ZNF723: variants seen among roughly 807,000 people sequenced by gnomAD.
ZNF723 encodes the protein zinc finger protein 723.
In ZNF723, 5 loss-of-function variants were observed where a neutral mutation model predicts 9.4. The observed-to-expected ratio is 0.53, with a 90% CI of 0.28 to 1.12. The LOEUF (loss-of-function observed/expected upper bound fraction) is 1.12. Among genes scored for constraint, ZNF723 ranks in the 50% most tolerant of loss-of-function variants. ZNF723 has a pLI of 0.10. For missense variants in ZNF723, 450 were observed against 501.5 expected, an observed-to-expected ratio of 0.90 and a Z score of 0.98; for synonymous variants, 158 against 168.8, an observed-to-expected ratio of 0.94 and a Z score of 0.49.
At chr19:22,827,035 G>A in the ZNF723 span, among the ~76,000 whole-genome samples, 3 of 152,056 alleles carry the variant, frequency 2.0e-5, no homozygotes, top group Middle Eastern at 3.2e-3. Context: ...TCTTCTGAAT[G>A]GGCATCATTT....
At chr19:22,854,243 C>T (rs1049331195) in intron 3 of ZNF723, among the ~76,000 whole-genome samples, 13 of 152,008 alleles carry the variant, frequency 8.6e-5, no homozygotes, top group Non-Finnish European at 1.9e-4. Context: ...ATAGTTTTGA[C>T]TTAGAATACA....
chr19:22,826,456 A>G, the ZNF723 span, among the ~76,000 whole-genome samples: 2 of 152,224 alleles, frequency 1.3e-5, no homozygotes, highest in African/African-American at 2.4e-5. Context: ...ACTTACTCAT[A>G]TTACATAAAG....
the ZNF723 span, among the ~76,000 whole-genome samples, chr19:22,813,655 T>G: frequency 6.6e-6 from 1 of 151,784 alleles, no homozygotes; most frequent in Non-Finnish European, 1.5e-5. Flanking sequence ...GCAGGAGAAT[T>G]GCTTGAATCC....
intron 3 of ZNF723, 119 bp downstream of exon 3, chr19:22,849,412 G>A (rs1240584686): frequency 4.4e-6 from 2 of 449,620 alleles, no homozygotes; most frequent in Non-Finnish European, 8.2e-6. Context: ...TTTCAGGAAA[G>A]CCTGAGAGTT....
chr19:22,826,958 A>G, the ZNF723 span, among the ~76,000 whole-genome samples: 2 of 152,186 alleles, frequency 1.3e-5, no homozygotes, highest in Non-Finnish European at 2.9e-5. Context: ...ACTGCTTTTA[A>G]CCTACTTCAT....
intron 3 of ZNF723, among the ~76,000 whole-genome samples, chr19:22,849,509 C>T (rs948804290): frequency 2.6e-5 from 4 of 152,152 alleles, no homozygotes; most frequent in Non-Finnish European, 5.9e-5. Flanking sequence ...TGTGATCTTC[C>T]TTGAAGTTTA....
the ZNF723 span, among the ~76,000 whole-genome samples, chr19:22,815,252 G>A: frequency 6.6e-6 from 1 of 152,070 alleles, no homozygotes; most frequent in Non-Finnish European, 1.5e-5. Flanking sequence ...TGCCCACAAG[G>A]GGCCTTGTAA....
chr19:22,827,814 C>T (rs138475383), upstream of ZNF723, among the ~76,000 whole-genome samples: 2,028 of 152,152 alleles, frequency 0.013, 40 homozygotes, highest in African/African-American at 0.047. Flanking sequence ...GTGGCTCACA[C>T]CTGTAATCCT....
chr19:22,835,409 G>T (rs10421735), intron 1 of ZNF723, among the ~76,000 whole-genome samples: 5 of 151,694 alleles, frequency 3.3e-5, no homozygotes, highest in Non-Finnish European at 5.9e-5. Flanking sequence ...ACTGAAAATT[G>T]CATTTTATTA....
intron 1 of ZNF723, among the ~76,000 whole-genome samples, chr19:22,838,557 G>GA (rs1179334708): frequency 4.7e-5 from 7 of 149,632 alleles, no homozygotes; most frequent in East Asian, 2.0e-4. Context: ...GTCTCAAAAA[G>GA]AAAAAAAAAG....
At chr19:22,824,431 G>T in the ZNF723 span, among the ~76,000 whole-genome samples, 1 of 152,032 alleles carries the variant, frequency 6.6e-6, no homozygotes, top group Non-Finnish European at 1.5e-5. Context: ...CTACAGGTGG[G>T]ATTGTGACAT....
At chr19:22,838,996 C>T (rs1015576684) in intron 1 of ZNF723, among the ~76,000 whole-genome samples, 9 of 152,166 alleles carry the variant, frequency 5.9e-5, no homozygotes, top group African/African-American at 1.9e-4. Context: ...ATCTGCCCTC[C>T]TCGGCCTCCC....
chr19:22,852,712 C>T (rs1967414805), intron 3 of ZNF723, among the ~76,000 whole-genome samples: 2 of 152,030 alleles, frequency 1.3e-5, no homozygotes, highest in South Asian at 4.1e-4. Flanking sequence ...TTTAAATATT[C>T]GGTTTAGTCA....
At chr19:22,837,540 C>T (rs1967182090) in intron 1 of ZNF723, among the ~76,000 whole-genome samples, 1 of 152,080 alleles carries the variant, frequency 6.6e-6, no homozygotes, top group Non-Finnish European at 1.5e-5. Flanking sequence ...TGGAATAAAA[C>T]TCTGGGCGTG....
chr19:22,822,818 C>T, the ZNF723 span, among the ~76,000 whole-genome samples: 9 of 152,030 alleles, frequency 5.9e-5, no homozygotes, highest in South Asian at 2.1e-4. Flanking sequence ...GCTGAGATCG[C>T]GCCACTGCAC....
In ZNF723 at chr19:22,839,681, T is replaced by C. The variant is rs1376666740; in HGVS notation, c.3+7299T>C. ...GTAGAGATGGGGTTTCACCATGTTGTCCAGGCTGCTCTCGAACTCCCGGCC... is the reference window on the plus strand; with the variant it reads ...GTAGAGATGGGGTTTCACCATGTTGCCCAGGCTGCTCTCGAACTCCCGGCC... On this transcript the variant is annotated intron_variant, in intron 1 of 3. Transcript: ENST00000600766. Among the ~76,000 whole-genome samples the C allele has an allele frequency of 2.6e-5, 4 of 151,742 alleles. No individual in the cohort carries two copies. The East Asian group carries it at 7.7e-4, about 29-fold the overall frequency.
At chr19:22,814,107 C>T in the ZNF723 span, among the ~76,000 whole-genome samples, 5,751 of 152,120 alleles carry the variant, frequency 0.038, 328 homozygotes, top group African/African-American at 0.13. Flanking sequence ...CCACCACGCC[C>T]GGCCAGCAAA....
intron 1 of ZNF723, among the ~76,000 whole-genome samples, chr19:22,846,665 T>C (rs116191852): frequency 1.2e-4 from 19 of 152,204 alleles, no homozygotes; most frequent in African/African-American, 3.6e-4. Flanking sequence ...GTTTGAAAGA[T>C]AATTATCAGG....
At chr19:22,850,379 G>C in intron 3 of ZNF723, among the ~76,000 whole-genome samples, 1 of 133,598 alleles carries the variant, frequency 7.5e-6, no homozygotes, top group East Asian at 2.3e-4. Flanking sequence ...GCTAATTTTT[G>C]TATTTTTAGT....
Sources: gnomAD v4.1 joint callset for allele counts (sites outside exome capture counted in the v4.1 genomes callset) on GRCh38, gnomAD v4.1.1 for gene constraint, MANE v1.5 for transcripts, NCBI Gene and HGNC (gene_info 2026-07-23, HGNC 2026-07-21) for gene names.